CCSER1: variants seen among roughly 807,000 people sequenced by gnomAD.
CCSER1 encodes coiled-coil serine rich protein 1, also known as serine-rich coiled-coil domain-containing protein 1.
A neutral mutation model predicts 82.0 loss-of-function variants in CCSER1; 41 were observed. The ratio of observed to expected loss-of-function variants is 0.50; its 90% CI spans 0.39 to 0.65. The LOEUF (loss-of-function observed/expected upper bound fraction) is 0.65, where lower values mean the gene tolerates loss of function less well. Among genes scored for constraint, CCSER1 ranks in the 30% least tolerant of loss-of-function variants. The pLI is 0.00. For missense variants in CCSER1, 1,119 were observed against 1,064.2 expected, an observed-to-expected ratio of 1.05 and a Z score of -0.72; for synonymous variants, 414 against 383.9, an observed-to-expected ratio of 1.08 and a Z score of -0.92.
At chr4:90,879,764 C>A (rs971583283) in intron 8 of CCSER1, among the ~76,000 whole-genome samples, 2 of 152,080 alleles carry the variant, frequency 1.3e-5, no homozygotes, top group Non-Finnish European at 2.9e-5. Flanking sequence ...GGACATATAC[C>A]ACTCTAGACA....
intron 9 of CCSER1, among the ~76,000 whole-genome samples, chr4:90,994,004 C>A (rs1581279836): frequency 1.3e-5 from 2 of 151,864 alleles, no homozygotes; most frequent in East Asian, 3.9e-4. Context: ...CCTGACAAAC[C>A]CATCATACCA....
intron 10 of CCSER1, among the ~76,000 whole-genome samples, chr4:91,494,191 A>G (rs1758694085): frequency 6.6e-6 from 1 of 151,848 alleles, no homozygotes; most frequent in Non-Finnish European, 1.5e-5. Context: ...TGTAAGAAAT[A>G]TATATCTGTT....
intron 8 of CCSER1, among the ~76,000 whole-genome samples, chr4:90,873,088 C>A (rs182113361): frequency 5.9e-5 from 9 of 151,930 alleles, no homozygotes; most frequent in Admixed American, 4.6e-4. Context: ...TTTCTTTAAC[C>A]TTTTTGTACT....
intron 5 of CCSER1, among the ~76,000 whole-genome samples, chr4:90,548,319 C>T (rs1378716728): frequency 1.3e-5 from 2 of 152,122 alleles, no homozygotes; most frequent in East Asian, 3.8e-4. Flanking sequence ...CTTTAAAGTG[C>T]CCCTTATCTG....
chr4:91,130,873 A>G (rs1727930465), intron 10 of CCSER1, among the ~76,000 whole-genome samples: 1 of 151,770 alleles, frequency 6.6e-6, no homozygotes, highest in South Asian at 2.1e-4. Context: ...TTTTAATTAA[A>G]TATATTATTT....
chr4:90,857,502 T>C (rs928015815), intron 8 of CCSER1, among the ~76,000 whole-genome samples: 3 of 152,130 alleles, frequency 2.0e-5, no homozygotes, highest in Non-Finnish European at 2.9e-5. Context: ...CCCATCACTT[T>C]TGCTGTATTC....
intron 1 of CCSER1, among the ~76,000 whole-genome samples, chr4:90,140,914 C>T (rs1206374414): frequency 2.6e-5 from 4 of 151,898 alleles, no homozygotes; most frequent in Non-Finnish European, 5.9e-5. Flanking sequence ...ATCTGCCCGC[C>T]TCAGCCTCCC....
At chr4:91,479,983 A>C (rs1183598843) in intron 10 of CCSER1, among the ~76,000 whole-genome samples, 2 of 133,110 alleles carry the variant, frequency 1.5e-5, no homozygotes, top group Admixed American at 8.1e-5. Flanking sequence ...ATGAGTGAGA[A>C]TATGCAGTGT....
chr4:91,322,684 G>A (rs950657097), intron 10 of CCSER1, among the ~76,000 whole-genome samples: 4 of 152,028 alleles, frequency 2.6e-5, no homozygotes, highest in African/African-American at 9.7e-5. Context: ...AAAATTATGT[G>A]TCTAACCATT....
At chr4:91,494,494 G>A (rs970729420) in intron 10 of CCSER1, among the ~76,000 whole-genome samples, 7 of 151,788 alleles carry the variant, frequency 4.6e-5, no homozygotes, top group Non-Finnish European at 1.0e-4. Context: ...TTTTGCATAT[G>A]AGGACTAGTA....
At chr4:90,946,528 G>A (rs1732262819) in intron 9 of CCSER1, among the ~76,000 whole-genome samples, 3 of 151,828 alleles carry the variant, frequency 2.0e-5, no homozygotes, top group South Asian at 4.2e-4. Context: ...CTATTCTGGA[G>A]GCGGAGGTAG....
At chr4:91,064,794 C>T (rs1479899225) in intron 9 of CCSER1, among the ~76,000 whole-genome samples, 1 of 152,186 alleles carries the variant, frequency 6.6e-6, no homozygotes, top group Non-Finnish European at 1.5e-5. Flanking sequence ...TAGTTTAAGA[C>T]CTCCTGTGGT....
intron 7 of CCSER1, among the ~76,000 whole-genome samples, chr4:90,769,342 A>G (rs1211474246): frequency 6.6e-6 from 1 of 152,154 alleles, no homozygotes; most frequent in Non-Finnish European, 1.5e-5. Flanking sequence ...GACAGTTTAG[A>G]ATTAGAAGAA....
chr4:90,781,187 C>A (rs1230656910), intron 7 of CCSER1: 13 of 850,868 alleles, frequency 1.5e-5, no homozygotes, highest in Non-Finnish European at 1.8e-5. Context: ...CTGGGGATCA[C>A]AACTCGACAT....
intron 3 of CCSER1, among the ~76,000 whole-genome samples, chr4:90,377,222 C>A (rs938880414): frequency 6.6e-6 from 1 of 152,136 alleles, no homozygotes; most frequent in Non-Finnish European, 1.5e-5. Flanking sequence ...ACTGCACACA[C>A]ATTCTTCACA....
At chr4:90,946,639 A>AAG (rs370849265) in intron 9 of CCSER1, among the ~76,000 whole-genome samples, 2 of 148,646 alleles carry the variant, frequency 1.3e-5, no homozygotes, top group East Asian at 4.0e-4. Flanking sequence ...AAAAAAAAAA[A>AAG]AGAGATTATA....
chr4:91,117,722 A>C (rs1726745909), intron 10 of CCSER1, among the ~76,000 whole-genome samples: 1 of 152,208 alleles, frequency 6.6e-6, no homozygotes, highest in Admixed American at 6.5e-5. Context: ...TAAGAGCATC[A>C]GTTTTGTGGT....
chr4:90,150,479 G>T (rs1328035109), intron 1 of CCSER1, among the ~76,000 whole-genome samples: 1 of 152,100 alleles, frequency 6.6e-6, no homozygotes, highest in Non-Finnish European at 1.5e-5. Flanking sequence ...AGAGATGCAT[G>T]ACTTGTGACC....
At chr4:90,917,187 A>G (rs1045045718) in intron 8 of CCSER1, among the ~76,000 whole-genome samples, 4 of 152,310 alleles carry the variant, frequency 2.6e-5, no homozygotes, top group Admixed American at 2.0e-4. Context: ...AGGATTATAA[A>G]TCATGCTGCT....
Sources: allele counts gnomAD v4.1 joint callset (sites outside exome capture counted in the v4.1 genomes callset), GRCh38; gene constraint gnomAD v4.1.1; transcripts MANE v1.5; gene names NCBI Gene and HGNC (gene_info 2026-07-23, HGNC 2026-07-21).